CCDC88A: variants seen among roughly 807,000 people sequenced by gnomAD.
CCDC88A encodes girdin.
A neutral mutation model predicts 234.3 loss-of-function variants in CCDC88A; 54 were observed. The observed-to-expected ratio is 0.23, with a 90% CI of 0.19 to 0.29. The LOEUF is 0.29. Among genes scored for constraint, CCDC88A ranks in the 10% least tolerant of loss-of-function variants. CCDC88A has a pLI of 1.00. For missense variants in CCDC88A, 1,832 were observed against 2,123.4 expected (o/e 0.86, Z 2.70); for synonymous variants, 753 against 737.8 (o/e 1.02, Z -0.33).
At chr2:55,292,512 C>A (rs906858130) in intron 31 of CCDC88A, 1 of 152,024 alleles carries the variant, frequency 6.6e-6, no homozygotes, top group African/African-American at 2.4e-5. Flanking sequence ...TGGGACACAT[C>A]GGTTCCATAT....
At chr2:55,299,483 A>G (rs1448612709) in intron 29 of CCDC88A, among the ~76,000 whole-genome samples, 1 of 152,236 alleles carries the variant, frequency 6.6e-6, no homozygotes, top group African/African-American at 2.4e-5. Flanking sequence ...TTTCTAAAAT[A>G]TGAGTAATGT....
intron 29 of CCDC88A, among the ~76,000 whole-genome samples, chr2:55,298,489 A>G (rs1325147678): frequency 6.6e-6 from 1 of 152,238 alleles, no homozygotes; most frequent in African/African-American, 2.4e-5. Context: ...TAATAATGTC[A>G]TAGCATTAAT....
chr2:55,347,094 T>A (rs763965104), intron 9 of CCDC88A, among the ~76,000 whole-genome samples: 1 of 152,150 alleles, frequency 6.6e-6, no homozygotes, highest in Non-Finnish European at 1.5e-5. Flanking sequence ...AAATAAATCA[T>A]TAATTACTGT....
At chr2:55,321,137 A>G (rs1683582519) in intron 18 of CCDC88A, 1 of 151,398 alleles carries the variant, frequency 6.6e-6, no homozygotes, top group Admixed American at 6.6e-5. Flanking sequence ...AAAAAAGATA[A>G]TAGATGGGAT....
At chr2:55,352,932 A>T (rs1011846351) in intron 8 of CCDC88A, among the ~76,000 whole-genome samples, 3 of 152,120 alleles carry the variant, frequency 2.0e-5, no homozygotes, top group South Asian at 2.1e-4. Flanking sequence ...TTTAGTAGAG[A>T]TCTGTCCCAA....
chr2:55,346,270 G>C lies in CCDC88A; in HGVS notation c.946C>G (p.Arg316Gly). Reference protein sequence around the residue: ...RMYRDELDALREKAVRVDKLE... With the variant: ...RMYRDELDALGEKAVRVDKLE... Reference sequence around the variant, plus strand: ...TTATCGACTCTGACTGCTTTCTCTCGAAGTGCATCTAATTCATCTCGGTAC... The same window carrying C: ...TTATCGACTCTGACTGCTTTCTCTCCAAGTGCATCTAATTCATCTCGGTAC... Residue 316 changes from arginine to glycine, a missense_variant, in exon 10 of 33, where the codon CGA becomes GGA. By Grantham distance (125) the Arg-to-Gly change is moderately radical (BLOSUM62 -2). This residue lies in a region of CCDC88A where 1,282 missense variants were observed against 1,543.6 expected (regional missense o/e 0.83). Transcript: ENST00000436346. The C allele has an allele frequency of 6.2e-7, 1 of 1,611,370 alleles. No individual in the cohort carries two copies. The highest frequency in any genetic ancestry group is 8.5e-7 in the Non-Finnish European group (1 of 1,178,046).
rs749584258 is a variant in CCDC88A, at chr2:55,295,824, G to C, written c.5324C>G (p.Pro1775Arg). ...TAATTTTATTTTTCCTTGAGTGCCT[G>C]GTGTAGGTTTTCCCGCAGAACTAAT... The part of the protein sequence containing the change: ...YFISSAGKPT[P>R]GTQGKIKLVK... The change falls in exon 31 of 33, where the codon CCA becomes CGA. Residue 1775 changes from proline (P) to arginine (R), a missense_variant. Pro to Arg is a moderately radical substitution (Grantham distance 103). This residue lies in a region of CCDC88A where 422 missense variants were observed against 416.5 expected (regional missense o/e 1.01). Transcript: ENST00000436346. 6.2e-6 allele frequency: 10 copies of C among 1,614,040 alleles called. No individual in the cohort carries two copies. Among genetic ancestry groups the C allele is most frequent in the Non-Finnish European group, 8.5e-6 (10 of 1,179,976 alleles).
At chr2:55,300,649 T>C (rs1226919387) in intron 28 of CCDC88A, 1 of 152,836 alleles carries the variant, frequency 6.5e-6, no homozygotes, top group Non-Finnish European at 1.5e-5. Flanking sequence ...TAGCTGGGAT[T>C]ACAGGTGCCT....
At chr2:55,355,493 G>A in intron 8 of CCDC88A, 86 bp downstream of exon 8, 2 of 1,128,108 alleles carry the variant, frequency 1.8e-6, no homozygotes, top group Non-Finnish European at 2.7e-6. Context: ...ACACAAGCTA[G>A]CAATATTTCC....
intron 2 of CCDC88A, among the ~76,000 whole-genome samples, chr2:55,416,354 T>A (rs1367474249): frequency 1.4e-5 from 2 of 143,476 alleles, no homozygotes; most frequent in Non-Finnish European, 3.0e-5. Flanking sequence ...GAATTAAACA[T>A]CAGTAAGTTT....
intron 31 of CCDC88A, chr2:55,295,040 ATATAT>A (rs1558615334): frequency 2.4e-6 from 3 of 1,239,384 alleles, no homozygotes; most frequent in African/African-American, 1.6e-5. Flanking sequence ...AATAACATCA[ATATAT>A]TATATTGTGC....
intron 2 of CCDC88A, among the ~76,000 whole-genome samples, chr2:55,390,053 A>AAAAAAAAAAAAAAAAAAAAAAAAAAAAT (rs377022377): frequency 1.3e-5 from 1 of 79,780 alleles, no homozygotes; most frequent in Non-Finnish European, 2.3e-5. Flanking sequence ...AAAAAAATAA[A>AAAAAAAAAAAAAAAAAAAAAAAAAAAAT]AAATAAAGAT....
chr2:55,403,146 G>A (rs1262504247), intron 2 of CCDC88A, among the ~76,000 whole-genome samples: 1 of 152,128 alleles, frequency 6.6e-6, no homozygotes, highest in African/African-American at 2.4e-5. Context: ...TGTTTTCCCT[G>A]AAGTGACAGG....
chr2:55,403,654 T>A (rs1335570438), intron 2 of CCDC88A: 1 of 152,232 alleles, frequency 6.6e-6, no homozygotes, highest in African/African-American at 2.4e-5. Context: ...CAGACAACCT[T>A]GAAGGAATCT....
intron 12 of CCDC88A, 38 bp from the exon 13 acceptor site, chr2:55,339,686 T>C: frequency 6.5e-7 from 1 of 1,535,100 alleles, no homozygotes; most frequent in South Asian, 1.3e-5. Flanking sequence ...ATTTACTCTT[T>C]ACTGTTTTTA....
At chr2:55,409,619 T>C (rs4233961) in intron 2 of CCDC88A, among the ~76,000 whole-genome samples, 140,402 of 152,116 alleles carry the variant, frequency 0.92, 65,026 homozygotes, top group African/African-American at 0.97. Context: ...TCACTGAGTA[T>C]TACATTTAGA....
intron 2 of CCDC88A, among the ~76,000 whole-genome samples, chr2:55,391,697 A>C (rs1417451674): frequency 1.3e-5 from 2 of 152,238 alleles, no homozygotes; most frequent in Non-Finnish European, 2.9e-5. Context: ...ACTTGAAGAC[A>C]TTACAATAAA....
chr2:55,295,402 C>G (rs79894424), intron 31 of CCDC88A, 195 bp downstream of exon 31: 2 of 1,546,872 alleles, frequency 1.3e-6, no homozygotes, highest in Admixed American at 2.0e-5. Flanking sequence ...GCCAACATTC[C>G]GAATGCATCA....
intron 2 of CCDC88A, among the ~76,000 whole-genome samples, chr2:55,413,420 A>T (rs1325979769): frequency 1.3e-5 from 2 of 152,190 alleles, no homozygotes; most frequent in African/African-American, 4.8e-5. Flanking sequence ...ATTATCTCCC[A>T]TCTTATAAAT....
Sources: gnomAD v4.1 joint callset for allele counts (sites outside exome capture counted in the v4.1 genomes callset) on GRCh38, gnomAD v4.1.1 for gene constraint, gnomAD v4.1.1 regional missense constraint, MANE v1.5 for transcripts, NCBI Gene and HGNC (gene_info 2026-07-23, HGNC 2026-07-21) for gene names.